PPEF2: variants seen among roughly 807,000 people sequenced by gnomAD.
PPEF2 encodes the protein protein phosphatase with EF-hand domain 2, also known as serine/threonine-protein phosphatase with EF-hands 2.
Under a neutral mutation model 84.7 loss-of-function variants are expected in PPEF2, and 84 were observed. That is an observed-to-expected ratio of 0.99 (90% CI 0.83 to 1.19). PPEF2 has a LOEUF of 1.19. Ranked by LOEUF, PPEF2 falls within the 50% of genes most tolerant of loss-of-function variation. The probability of loss-of-function intolerance (pLI) is 0.00; values close to 1 mark genes in which losing one functional copy is unlikely to be tolerated. For synonymous variants in PPEF2, 346 were observed against 345.2 expected, an observed-to-expected ratio of 1.00 and a Z score of -0.03; for missense variants, 924 against 937.5, an observed-to-expected ratio of 0.99 and a Z score of 0.19.
In PPEF2 at chr4:75,883,088, A is replaced by G; in HGVS notation, c.784-13T>C. 2 of 1,613,880 alleles carry G rather than the reference A, an allele frequency of 1.2e-6. No individual in the cohort carries two copies. The highest frequency in any genetic ancestry group is 1.7e-6 in the Non-Finnish European group (2 of 1,179,838). ...CCTTCCCGTGTACCTGGAAAAAATG[A>G]TATAAACAAAATGTTATCAAATAAT... On this transcript the variant is annotated splice_polypyrimidine_tract_variant and intron_variant, in intron 9 of 16. Transcript: ENST00000286719.
At position 75,876,390 on chromosome 4, in the gene PPEF2, C is replaced by G. The variant is rs1724411919; in HGVS notation, c.1217G>C (p.Gly406Ala). 1 of 1,614,126 alleles carries G rather than the reference C, an allele frequency of 6.2e-7. No homozygotes were observed. Among genetic ancestry groups the G allele is most frequent in the African/African-American group, 1.3e-5 (1 of 75,040 alleles). ...CTCTTTCTCTCCGGTCACCAGGAGG[C>G]CTGCTTGCTGCCGGCACCGCTCTAG... is the stretch of plus-strand genomic sequence containing the variant. ...LELERCRQQA[G>A]LLVTGEKEEP... is the part of the protein sequence containing the mutation. Residue 406 changes from glycine (G) to alanine (A), a missense_variant, in exon 11 of 17, where the codon GGC (glycine) becomes GCC (alanine). Physicochemically the swap from Gly to Ala is moderately conservative, Grantham distance 60. Coordinates refer to ENST00000286719, the MANE Select transcript of PPEF2 (RefSeq NM_006239.3).
chr4:75,877,754 T>G lies in PPEF2; in HGVS notation c.934-1081A>C, dbSNP rs111549286. Among the ~76,000 whole-genome samples, 16 of 152,290 alleles carry G rather than the reference T, an allele frequency of 1.1e-4. 1 individual carries two copies. Among genetic ancestry groups the G allele is most frequent in the African/African-American group, 3.8e-4 (16 of 41,574 alleles). ...TAGGTACACACATGTCACAGGGGGT[T>G]GTTTTACATATTATTTCATCATTTT... On this transcript the variant is annotated intron_variant, in intron 10 of 16. Transcript: ENST00000286719.
Position 75,867,632 on chromosome 4 carries a change from G to T in PPEF2, c.1650-213C>A, listed in dbSNP as rs985886011. 5.3e-5 allele frequency among the ~76,000 whole-genome samples: 8 copies of T among 152,294 alleles called. No individual in the cohort carries two copies. The East Asian group carries it at 7.7e-4, about 15-fold the overall frequency. On this transcript the variant is annotated intron_variant, in intron 13 of 16. Coordinates refer to ENST00000286719, the MANE Select transcript of PPEF2 (RefSeq NM_006239.3). ...TTCCTGGTATGGGACAGTGGTTAGA[G>T]AAGAAGTTCTGGAGAAGGATCACCT...
intron 6 of PPEF2, among the ~76,000 whole-genome samples, 190 bp from the exon 7 acceptor site, chr4:75,887,088 A>AT (rs1181479344): frequency 2.6e-5 from 4 of 152,152 alleles, no homozygotes; most frequent in South Asian, 2.1e-4. Context: ...AAGGCATAAT[A>AT]TTTTTTCTGC....
intron 2 of PPEF2, among the ~76,000 whole-genome samples, chr4:75,894,689 G>A (rs1357743273): frequency 6.6e-6 from 1 of 152,174 alleles, no homozygotes; most frequent in Non-Finnish European, 1.5e-5. Context: ...ATGGCAGGGA[G>A]TGGTAACTGG....
chr4:75,888,452 G>C, intron 5 of PPEF2, 124 bp from the exon 6 acceptor site: 1 of 653,022 alleles, frequency 1.5e-6, no homozygotes, highest in Non-Finnish European at 2.7e-6. Flanking sequence ...CCAGTAAACT[G>C]CTCCTGGGAC....
At chr4:75,888,166 A>G (rs7691712) in intron 6 of PPEF2, 48 bp downstream of exon 6, 1,363,409 of 1,401,280 alleles carry the variant, frequency 0.97, 668,466 homozygotes, top group East Asian at 1. Context: ...CAGGTAGAGC[A>G]TTCTTCTTTG....
At chr4:75,893,412 C>A (rs180841734) in intron 2 of PPEF2, among the ~76,000 whole-genome samples, 1 of 152,206 alleles carries the variant, frequency 6.6e-6, no homozygotes, top group East Asian at 1.9e-4. Context: ...GTAGGAGAAT[C>A]ATTTGAACCT....
chr4:75,882,423 A>C (rs550501614), intron 10 of PPEF2, among the ~76,000 whole-genome samples: 22 of 152,300 alleles, frequency 1.4e-4, no homozygotes, highest in African/African-American at 4.8e-4. Context: ...AGAATTATCT[A>C]GATCCAATGG....
rs948467513 is a variant in PPEF2 at position 75,871,195 on chromosome 4, C to T, written c.1649+830G>A. Among the ~76,000 whole-genome samples, 16 of 152,268 alleles carry T rather than the reference C, an allele frequency of 1.1e-4. No homozygotes were observed. The East Asian group carries it at 2.9e-3, about 28-fold the overall frequency. ...TCAGCCTCCCAAAGTGCTGGGATTA[C>T]AGGCGTGAGCCACCGCGCCCGGCCA... On this transcript the variant is annotated intron_variant, in intron 13 of 16. Coordinates refer to ENST00000286719, the MANE Select transcript of PPEF2 (RefSeq NM_006239.3).
chr4:75,888,474 T>A (rs1724791391), intron 5 of PPEF2, 146 bp from the exon 6 acceptor site: 1 of 583,724 alleles, frequency 1.7e-6, no homozygotes, highest in Non-Finnish European at 3.1e-6. Context: ...ATGCACGGAT[T>A]CTTTCTTTAT....
At chr4:75,890,184 C>T (rs759060303) in intron 4 of PPEF2, 52 bp from the exon 5 acceptor site, 1 of 1,594,320 alleles carries the variant, frequency 6.3e-7, no homozygotes, top group Non-Finnish European at 8.6e-7. Flanking sequence ...ATCATGCAGT[C>T]TGTGGGCACT....
chr4:75,891,823 G>T (rs1398706868), intron 3 of PPEF2, 28 bp downstream of exon 3: 4 of 1,601,008 alleles, frequency 2.5e-6, no homozygotes, highest in South Asian at 1.1e-5. Flanking sequence ...GAGAGCAGGA[G>T]GCGGCTCCGT....
chr4:75,893,866 T>C (rs947064239), intron 2 of PPEF2, among the ~76,000 whole-genome samples: 4 of 148,656 alleles, frequency 2.7e-5, no homozygotes, highest in African/African-American at 1.0e-4. Flanking sequence ...ATTCTCCCTC[T>C]TTTTTTCTTC....
intron 7 of PPEF2, among the ~76,000 whole-genome samples, chr4:75,886,224 C>A (rs1724718602): frequency 6.6e-6 from 1 of 152,182 alleles, no homozygotes; most frequent in African/African-American, 2.4e-5. Flanking sequence ...CACAGGGCAG[C>A]GCTGCAGGGC....
intron 14 of PPEF2, among the ~76,000 whole-genome samples, chr4:75,866,822 T>C (rs901855409): frequency 6.6e-6 from 1 of 152,260 alleles, no homozygotes; most frequent in Non-Finnish European, 1.5e-5. Flanking sequence ...ACAGTATGTG[T>C]ACGTGAAAAG....
In PPEF2 at chr4:75,887,884, A is replaced by C. The variant is rs545607733; in HGVS notation, c.532+330T>G. Among the ~76,000 whole-genome samples, 4 of 152,316 alleles carry C rather than the reference A, an allele frequency of 2.6e-5. No individual in the cohort carries two copies. In the South Asian group the frequency reaches 6.2e-4, roughly 24 times the overall value. On this transcript the variant is annotated intron_variant, in intron 6 of 16. Coordinates refer to ENST00000286719, the MANE Select transcript of PPEF2 (RefSeq NM_006239.3). ...ATTTGCTAGTCATCGGGGCTTTCTCAAGTACCATTAAATAAACCATCTTCT... is the reference window on the plus strand; with the variant it reads ...ATTTGCTAGTCATCGGGGCTTTCTCCAGTACCATTAAATAAACCATCTTCT...
chr4:75,886,656 G>A (rs1231092605), intron 7 of PPEF2, among the ~76,000 whole-genome samples, 196 bp downstream of exon 7: 1 of 152,050 alleles, frequency 6.6e-6, no homozygotes, highest in African/African-American at 2.4e-5. Context: ...GGAGGCAGAG[G>A]TTGCAGTGAG....
At chr4:75,875,000 C>T (rs1312247498) in intron 11 of PPEF2, among the ~76,000 whole-genome samples, 3 of 151,418 alleles carry the variant, frequency 2.0e-5, no homozygotes, top group East Asian at 2.0e-4. Context: ...CTCCTGGGTG[C>T]GTGACATTCT....
Sources: gnomAD v4.1 joint callset for allele counts (sites outside exome capture counted in the v4.1 genomes callset) on GRCh38, gnomAD v4.1.1 for gene constraint, MANE v1.5 for transcripts, NCBI Gene and HGNC (gene_info 2026-07-23, HGNC 2026-07-21) for gene names.